PCDH9: variants seen among roughly 807,000 people sequenced by gnomAD.
PCDH9 encodes protocadherin-9.
Under a neutral mutation model 70.6 loss-of-function variants are expected in PCDH9, and 24 were observed. The observed-to-expected ratio is 0.34, with a 90% CI of 0.25 to 0.48. The LOEUF (loss-of-function observed/expected upper bound fraction) is 0.48, where lower values mean the gene tolerates loss of function less well. PCDH9 is among the 20% of genes least tolerant of loss of function. The probability of loss-of-function intolerance (pLI) is 0.99; values close to 1 mark genes in which losing one functional copy is unlikely to be tolerated. For synonymous variants in PCDH9, 562 were observed against 558.5 expected, an observed-to-expected ratio of 1.01 and a Z score of -0.09; for missense variants, 1,281 against 1,503.6, an observed-to-expected ratio of 0.85 and a Z score of 2.45.
intron 3 of PCDH9, among the ~76,000 whole-genome samples, chr13:66,759,011 T>G (rs1224844844): frequency 6.6e-6 from 1 of 151,994 alleles, no homozygotes; most frequent in Non-Finnish European, 1.5e-5. Context: ...TGAATCATCT[T>G]TTTTTTCTTA....
rs549695003 is a variant in PCDH9 at position 66,413,379 on chromosome 13, T to G, written c.3341-108351A>C. Among the ~76,000 whole-genome samples the G allele has an allele frequency of 1.3e-5, 2 of 152,282 alleles. 1 individual carries two copies. The highest frequency in any genetic ancestry group is 4.1e-4 in the South Asian group (2 of 4,824). ...AAAGATACAGATATTTATTTTAGAT[T>G]AAATTGTCTAAGAATCCTCAAACTT... On this transcript the variant is annotated intron_variant, in intron 4 of 4. Transcript: ENST00000377865.
intron 2 of PCDH9, among the ~76,000 whole-genome samples, chr13:67,029,738 AT>A (rs1183361598): frequency 2.6e-5 from 4 of 152,222 alleles, no homozygotes; most frequent in Non-Finnish European, 4.4e-5. Context: ...TTAAACATAA[AT>A]AATAATACTC....
chr13:67,022,811 G>A (rs1259738857), intron 2 of PCDH9, among the ~76,000 whole-genome samples: 1 of 152,126 alleles, frequency 6.6e-6, no homozygotes, highest in Non-Finnish European at 1.5e-5. Flanking sequence ...AAAAAAAAGA[G>A]TATTGCTTAA....
intron 3 of PCDH9, among the ~76,000 whole-genome samples, chr13:66,705,809 T>C (rs1001293503): frequency 4.6e-5 from 7 of 152,146 alleles, no homozygotes; most frequent in African/African-American, 1.7e-4. Flanking sequence ...CAATAAACCA[T>C]AAAAATAATT....
At chr13:66,389,352 G>A (rs1032096199) in intron 4 of PCDH9, among the ~76,000 whole-genome samples, 2 of 152,092 alleles carry the variant, frequency 1.3e-5, no homozygotes, top group African/African-American at 2.4e-5. Flanking sequence ...GGCTGCAGAT[G>A]GGAACTGGTT....
At chr13:67,073,393 G>A (rs913552664) in intron 2 of PCDH9, among the ~76,000 whole-genome samples, 2 of 151,946 alleles carry the variant, frequency 1.3e-5, no homozygotes, top group African/African-American at 2.4e-5. Flanking sequence ...ATCAGAAAGG[G>A]AGGGTTTAAA....
intron 3 of PCDH9, among the ~76,000 whole-genome samples, chr13:66,698,895 C>CTTTTTTTTTTTTTTTTTTTT (rs67333897): frequency 6.5e-5 from 4 of 61,148 alleles, no homozygotes; most frequent in Non-Finnish European, 1.3e-4. Flanking sequence ...CTCAATTCCT[C>CTTTTTTTTTTTTTTTTTTTT]TTTTTTTTTT....
chr13:67,151,534 G>A (rs1221731534), intron 2 of PCDH9, among the ~76,000 whole-genome samples: 1 of 151,998 alleles, frequency 6.6e-6, no homozygotes, highest in Non-Finnish European at 1.5e-5. Context: ...TTTGACTTAG[G>A]TAGGGGATCT....
At chr13:66,812,242 T>A (rs919836538) in intron 3 of PCDH9, among the ~76,000 whole-genome samples, 9 of 152,042 alleles carry the variant, frequency 5.9e-5, no homozygotes, top group South Asian at 4.1e-4. Flanking sequence ...CCAAAATATA[T>A]AACGTGACAA....
intron 3 of PCDH9, among the ~76,000 whole-genome samples, chr13:66,730,546 C>CA (rs1348596525): frequency 1.3e-5 from 2 of 152,030 alleles, no homozygotes; most frequent in African/African-American, 4.8e-5. Context: ...TCATCACAGT[C>CA]AAAACTGTAT....
chr13:66,463,649 G>A (rs1322301437), intron 4 of PCDH9, among the ~76,000 whole-genome samples: 1 of 151,482 alleles, frequency 6.6e-6, no homozygotes, highest in African/African-American at 2.4e-5. Context: ...TTTTTTTTGT[G>A]GACCACACTT....
intron 3 of PCDH9, among the ~76,000 whole-genome samples, chr13:66,740,129 T>C (rs2079235007): frequency 6.9e-6 from 1 of 145,824 alleles, no homozygotes; most frequent in South Asian, 2.3e-4. Flanking sequence ...ACAGAAATTA[T>C]AACAAACTAT....
intron 2 of PCDH9, among the ~76,000 whole-genome samples, chr13:67,176,251 T>C (rs1017117184): frequency 4.6e-5 from 7 of 152,146 alleles, no homozygotes; most frequent in East Asian, 1.9e-4. Flanking sequence ...AGAAAGTTAA[T>C]AAGGGAAGTA....
chr13:67,099,109 C>T (rs1274098717), intron 2 of PCDH9, among the ~76,000 whole-genome samples: 3 of 152,164 alleles, frequency 2.0e-5, no homozygotes, highest in Non-Finnish European at 4.4e-5. Flanking sequence ...ACACCAAAGT[C>T]ACCAAAGAGT....
intron 4 of PCDH9, among the ~76,000 whole-genome samples, chr13:66,371,690 AT>A (rs1956656851): frequency 6.6e-6 from 1 of 152,132 alleles, no homozygotes; most frequent in African/African-American, 2.4e-5. Context: ...GTAGCTCTTA[AT>A]TTTAAATTGA....
At chr13:66,527,048 C>A (rs1437000904) in intron 4 of PCDH9, among the ~76,000 whole-genome samples, 4 of 152,142 alleles carry the variant, frequency 2.6e-5, no homozygotes, top group Admixed American at 2.6e-4. Flanking sequence ...AGTCCTAGGC[C>A]TGCTTTGTGT....
At chr13:66,791,745 C>T (rs1371279425) in intron 3 of PCDH9, among the ~76,000 whole-genome samples, 1 of 152,000 alleles carries the variant, frequency 6.6e-6, no homozygotes, top group Non-Finnish European at 1.5e-5. Flanking sequence ...ATCGCAATTA[C>T]TTTTGGATTA....
chr13:67,162,660 C>T (rs1280354156), intron 2 of PCDH9, among the ~76,000 whole-genome samples: 1 of 152,052 alleles, frequency 6.6e-6, no homozygotes, highest in Admixed American at 6.6e-5. Flanking sequence ...CTAAAACTCC[C>T]GAGTGAGTAG....
At chr13:67,132,511 C>T (rs1284745087) in intron 2 of PCDH9, among the ~76,000 whole-genome samples, 1 of 152,070 alleles carries the variant, frequency 6.6e-6, no homozygotes, top group Admixed American at 6.6e-5. Flanking sequence ...CTTCCATTTT[C>T]ACCATGTTTA....
Sources: gnomAD v4.1 joint callset for allele counts (sites outside exome capture counted in the v4.1 genomes callset) on GRCh38, gnomAD v4.1.1 for gene constraint, MANE v1.5 for transcripts, NCBI Gene and HGNC (gene_info 2026-07-23, HGNC 2026-07-21) for gene names.